Variants in MGAT4C observed in about 807,000 individuals in gnomAD.
The protein encoded by MGAT4C is MGAT4 family member C, also known as alpha-1,3-mannosyl-glycoprotein 4-beta-N-acetylglucosaminyltransferase C.
MGAT4C carries 19 observed loss-of-function variants against 40.1 expected under a neutral mutation model. The ratio of observed to expected loss-of-function variants is 0.47; its 90% CI spans 0.33 to 0.70. The LOEUF (loss-of-function observed/expected upper bound fraction) is 0.70, where lower values mean the gene tolerates loss of function less well. MGAT4C is among the 30% of genes least tolerant of loss of function. The pLI is 0.02. For synonymous variants in MGAT4C, 181 were observed against 187.1 expected (o/e 0.97, Z 0.27); for missense variants, 491 against 563.2 (o/e 0.87, Z 1.30).
intron 4 of MGAT4C, among the ~76,000 whole-genome samples, chr12:86,282,784 T>A (rs950652111): frequency 2.0e-5 from 3 of 152,090 alleles, no homozygotes; most frequent in African/African-American, 7.2e-5. Context: ...TCGTTTTTAG[T>A]GTGATTCTAG....
At chr12:86,156,929 A>G (rs1005828112) in intron 1 of MGAT4C, among the ~76,000 whole-genome samples, 3 of 152,092 alleles carry the variant, frequency 2.0e-5, no homozygotes, top group Non-Finnish European at 4.4e-5. Context: ...CTAATGGGCA[A>G]TTTTGGCAAT....
At chr12:86,049,185 A>T (rs914171500) in intron 2 of MGAT4C, among the ~76,000 whole-genome samples, 3 of 152,094 alleles carry the variant, frequency 2.0e-5, no homozygotes, top group Non-Finnish European at 4.4e-5. Context: ...AAGAAGATAG[A>T]GCAAAACTAC....
At chr12:86,282,828 C>T (rs1953253844) in intron 4 of MGAT4C, among the ~76,000 whole-genome samples, 1 of 152,030 alleles carries the variant, frequency 6.6e-6, no homozygotes, top group Non-Finnish European at 1.5e-5. Flanking sequence ...TGCAGCCCAA[C>T]TACAAAAGCT....
chr12:86,723,764 C>G (rs1278219481), intron 2 of MGAT4C, among the ~76,000 whole-genome samples: 2 of 152,118 alleles, frequency 1.3e-5, no homozygotes, highest in African/African-American at 4.8e-5. Flanking sequence ...TTTTTTCTAA[C>G]AGTTTAATTT....
chr12:86,799,021 A>G (rs1490153281), intron 1 of MGAT4C, among the ~76,000 whole-genome samples: 1 of 151,928 alleles, frequency 6.6e-6, no homozygotes, highest in Admixed American at 6.6e-5. Context: ...TCTGGCCACC[A>G]GTTAAAAGAA....
intron 2 of MGAT4C, among the ~76,000 whole-genome samples, chr12:85,996,024 A>G (rs1323837718): frequency 6.6e-6 from 1 of 152,222 alleles, no homozygotes; most frequent in East Asian, 1.9e-4. Flanking sequence ...TACAAAGTAC[A>G]GCACTCTTTA....
intron 1 of MGAT4C, among the ~76,000 whole-genome samples, chr12:86,735,531 GT>G (rs1950971841): frequency 6.6e-6 from 1 of 151,884 alleles, no homozygotes; most frequent in Non-Finnish European, 1.5e-5. Context: ...TGAAGAATCT[GT>G]GATGGATAGA....
intron 1 of MGAT4C, among the ~76,000 whole-genome samples, chr12:86,819,779 T>C (rs749617179): frequency 4.0e-5 from 6 of 150,730 alleles, no homozygotes; most frequent in Non-Finnish European, 7.5e-5. Flanking sequence ...TAAATCATAA[T>C]TATAATAATG....
At chr12:86,491,165 C>T (rs1428394112) in intron 2 of MGAT4C, among the ~76,000 whole-genome samples, 2 of 152,016 alleles carry the variant, frequency 1.3e-5, no homozygotes, top group Non-Finnish European at 2.9e-5. Flanking sequence ...AGCTTACCAA[C>T]CAAAAAGAGT....
At chr12:86,186,103 A>G (rs1242646658) in intron 1 of MGAT4C, among the ~76,000 whole-genome samples, 1 of 152,218 alleles carries the variant, frequency 6.6e-6, no homozygotes, top group Admixed American at 6.5e-5. Context: ...AGAAGGATAC[A>G]GAAAGGTCTC....
rs1307617093 is a variant in MGAT4C at position 85,960,997 on chromosome 12, A to G, written c.*18292T>C. On this transcript the variant is annotated 3_prime_UTR_variant, in exon 5 of 5. Transcript: ENST00000611864. ...AACAAGACAGTCAACTTACTATTTAAAAAACAAAGTCAGTCACCTAAATGA... is the reference window on the plus strand; with the variant it reads ...AACAAGACAGTCAACTTACTATTTAGAAAACAAAGTCAGTCACCTAAATGA... 3 of 151,996 alleles carry G rather than the reference A, an allele frequency of 2.0e-5. No individual in the cohort carries two copies. 9.4% of individuals were successfully genotyped at this position (151,996 alleles called of 1,614,324 possible). A position where few individuals can be genotyped will look rare whatever the true frequency, so the allele number is the denominator to read the frequency against.
chr12:86,603,553 T>C lies in MGAT4C; in HGVS notation c.-229+123656A>G. The stretch of plus-strand genomic sequence containing the variant: ...TATATAGTCTATAGACTATAGATAA[T>C]ATATAGTCTATAGACTATAGATAAT... On this transcript the variant is annotated intron_variant, in intron 2 of 7. Transcript: ENST00000548651. 1.7e-5 allele frequency among the ~76,000 whole-genome samples: 2 copies of C among 114,918 alleles called. 1 individual carries two copies. The highest frequency in any genetic ancestry group is 5.5e-4 in the East Asian group (2 of 3,650). 75.4% of individuals were successfully genotyped at this position (114,918 alleles called of 152,430 possible). A position where few individuals can be genotyped will look rare whatever the true frequency, so the allele number is the denominator to read the frequency against.
chr12:86,379,583 G>A (rs1020240217), intron 3 of MGAT4C, among the ~76,000 whole-genome samples: 1 of 151,954 alleles, frequency 6.6e-6, no homozygotes, highest in African/African-American at 2.4e-5. Context: ...ACGGTACATG[G>A]CACACAGCAT....
At chr12:86,294,512 T>A (rs1157336287) in intron 4 of MGAT4C, among the ~76,000 whole-genome samples, 2 of 152,174 alleles carry the variant, frequency 1.3e-5, no homozygotes, top group Non-Finnish European at 2.9e-5. Context: ...GGCTTGACTG[T>A]TCCGAAAATC....
intron 2 of MGAT4C, among the ~76,000 whole-genome samples, chr12:86,569,716 T>C (rs1002231840): frequency 1.3e-5 from 2 of 152,094 alleles, no homozygotes; most frequent in African/African-American, 4.8e-5. Flanking sequence ...AAAACCAGTA[T>C]ATCAAAGAGA....
chr12:86,787,115 A>G (rs1488633964), intron 1 of MGAT4C, among the ~76,000 whole-genome samples: 2 of 152,162 alleles, frequency 1.3e-5, no homozygotes, highest in South Asian at 2.1e-4. Flanking sequence ...AAAGTAATGC[A>G]CATTGCATAC....
chr12:86,768,783 A>C (rs1951568278), intron 1 of MGAT4C, among the ~76,000 whole-genome samples: 1 of 152,254 alleles, frequency 6.6e-6, no homozygotes, highest in African/African-American at 2.4e-5. Context: ...TTCCCTATTT[A>C]ATCAATGGTG....
chr12:86,804,866 G>C (rs907300243), intron 1 of MGAT4C, among the ~76,000 whole-genome samples: 2 of 116,990 alleles, frequency 1.7e-5, no homozygotes, highest in South Asian at 4.9e-4. Context: ...TATACTTGAC[G>C]AACTTTGGTA....
At chr12:86,401,964 C>A (rs1462312034) in intron 3 of MGAT4C, among the ~76,000 whole-genome samples, 1 of 152,008 alleles carries the variant, frequency 6.6e-6, no homozygotes, top group African/African-American at 2.4e-5. Context: ...TTTATGATTG[C>A]TGACTTCTTG....
Sources: allele counts gnomAD v4.1 joint callset (sites outside exome capture counted in the v4.1 genomes callset), GRCh38; gene constraint gnomAD v4.1.1; transcripts MANE v1.5; gene names NCBI Gene and HGNC (gene_info 2026-07-23, HGNC 2026-07-21).